NAA25: variants seen among roughly 807,000 people sequenced by gnomAD.
NAA25 encodes N-terminal acetyltransferase B complex subunit NAA25.
NAA25 carries 30 observed loss-of-function variants against 132.5 expected under a neutral mutation model. The ratio of observed to expected loss-of-function variants is 0.23; its 90% CI spans 0.17 to 0.31. NAA25 has a LOEUF of 0.31. NAA25 is among the 10% of genes least tolerant of loss of function. NAA25 has a pLI of 1.00. For missense variants in NAA25, 771 were observed against 1,150.4 expected (o/e 0.67, Z 4.77); for synonymous variants, 359 against 401.9 (o/e 0.89, Z 1.28).
chr12:112,089,529 C>A (rs1222426659), intron 3 of NAA25, among the ~76,000 whole-genome samples: 1 of 152,122 alleles, frequency 6.6e-6, no homozygotes, highest in East Asian at 1.9e-4. Context: ...ATGAAAAATG[C>A]AAGTCATAGA....
At position 112,087,719 on chromosome 12, in the gene NAA25, G is replaced by A; in HGVS notation, c.366C>T (p.Ala122=). ...SEEYHSHLFM[A]YARVGEYKKM... ...TCTTGTATTCACCCACTCTGGCATA[G>A]GCCATGAAGAGGTGAGAGTGATACT... is the stretch of plus-strand genomic sequence containing the variant. The change falls in exon 4 of 24, where the codon GCC becomes GCT. Residue 122 remains alanine (A), a synonymous_variant. Transcript: ENST00000261745. The A allele has an allele frequency of 6.2e-7, 1 of 1,614,052 alleles. No homozygotes were observed. The highest frequency in any genetic ancestry group is 8.5e-7 in the Non-Finnish European group (1 of 1,179,918).
intron 3 of NAA25, among the ~76,000 whole-genome samples, chr12:112,089,940 T>C (rs1446678596): frequency 6.7e-6 from 1 of 149,322 alleles, no homozygotes. Context: ...GTTTCGATTC[T>C]CCTGCCTCAG....
chr12:112,075,853 G>C, intron 7 of NAA25, 64 bp from the exon 8 acceptor site: 1 of 1,255,692 alleles, frequency 8.0e-7, no homozygotes, highest in Non-Finnish European at 1.1e-6. Context: ...CCAGAATAGA[G>C]TCCAACCACA....
intron 22 of NAA25, chr12:112,034,673 G>C (rs910768775): frequency 6.6e-6 from 1 of 152,196 alleles, no homozygotes; most frequent in African/African-American, 2.4e-5. Context: ...TTAGCTGGGC[G>C]TGGTGGCACA....
chr12:112,088,310 T>C (rs2079083014), intron 3 of NAA25, among the ~76,000 whole-genome samples: 1 of 150,198 alleles, frequency 6.7e-6, no homozygotes, highest in Non-Finnish European at 1.5e-5. Context: ...TAAGTAAGTA[T>C]ATTGTAGTTT....
chr12:112,035,190 T>C (rs2078207537), intron 22 of NAA25: 1 of 152,212 alleles, frequency 6.6e-6, no homozygotes, highest in Non-Finnish European at 1.5e-5. Context: ...AAAACCATTC[T>C]CATTTTTAGA....
chr12:112,070,769 CAG>C (rs1196388253), intron 10 of NAA25, among the ~76,000 whole-genome samples: 3 of 151,926 alleles, frequency 2.0e-5, no homozygotes, highest in Admixed American at 1.3e-4. Context: ...GTTTTTGAGA[CAG>C]AGTCTCACTC....
At chr12:112,072,179 T>C in intron 9 of NAA25, 115 bp from the exon 10 acceptor site, 5 of 739,310 alleles carry the variant, frequency 6.8e-6, no homozygotes, top group Middle Eastern at 3.9e-4. Flanking sequence ...TATAAAATAA[T>C]AGAAAAAGGA....
chr12:112,045,756 C>T (rs954064974), intron 17 of NAA25, among the ~76,000 whole-genome samples: 5 of 152,090 alleles, frequency 3.3e-5, no homozygotes, highest in Admixed American at 1.3e-4. Context: ...GATCATGCGA[C>T]TGCACTCTAG....
intron 4 of NAA25, among the ~76,000 whole-genome samples, chr12:112,084,777 G>A (rs902990168): frequency 1.3e-4 from 20 of 149,722 alleles, no homozygotes; most frequent in African/African-American, 4.4e-4. Context: ...TGGAGACAGA[G>A]CGAGACTCCA....
intron 1 of NAA25, among the ~76,000 whole-genome samples, chr12:112,102,632 A>G (rs2079309824): frequency 6.6e-6 from 1 of 151,958 alleles, no homozygotes; most frequent in Non-Finnish European, 1.5e-5. Context: ...CAGTGGCACA[A>G]TCTCAGCTCA....
intron 13 of NAA25, among the ~76,000 whole-genome samples, chr12:112,058,081 A>C (rs1192271338): frequency 2.0e-5 from 3 of 151,828 alleles, no homozygotes; most frequent in Admixed American, 6.6e-5. Flanking sequence ...TGGAAGGAGG[A>C]TGTTGCAGTG....
rs755378407 is a variant in NAA25, at chr12:112,054,514, T to C, written c.1502A>G (p.His501Arg). 1.9e-6 allele frequency: 3 copies of C among 1,614,172 alleles called. No individual in the cohort carries two copies. The highest frequency in any genetic ancestry group is 2.5e-6 in the Non-Finnish European group (3 of 1,180,030). ...ALTLLEEGLT[H>R]SPSNAQFKLL... ...TTTGAACTGAGCATTGGAAGGGCTATGGGTTAATCCCTCTTCCAGCAAAGT... is the reference window on the plus strand; with the variant it reads ...TTTGAACTGAGCATTGGAAGGGCTACGGGTTAATCCCTCTTCCAGCAAAGT... Residue 501 changes from histidine (H) to arginine (R), a missense_variant, in exon 14 of 24, where the codon CAT becomes CGT. His to Arg is a conservative substitution (Grantham distance 29). Around this residue, in one of 3 missense-constraint regions of NAA25, gnomAD observed 417 missense variants for 733.8 expected, o/e 0.57. Transcript: ENST00000261745.
chr12:112,104,645 G>A (rs2079336591), intron 1 of NAA25, among the ~76,000 whole-genome samples: 1 of 151,506 alleles, frequency 6.6e-6, no homozygotes, highest in Non-Finnish European at 1.5e-5. Context: ...GACCAACCTG[G>A]CCAATGTGGT....
intron 14 of NAA25, 58 bp from the exon 15 acceptor site, chr12:112,053,715 A>C: frequency 1.0e-4 from 126 of 1,256,412 alleles, no homozygotes; most frequent in Non-Finnish European, 1.3e-4. Context: ...TACCTAGCTC[A>C]AGTAACAAAT....
At chr12:112,041,116 G>C (rs931197415) in intron 20 of NAA25, among the ~76,000 whole-genome samples, 5 of 151,480 alleles carry the variant, frequency 3.3e-5, no homozygotes, top group Admixed American at 2.6e-4. Context: ...AGGAGTTAGA[G>C]TCCATCCTGA....
intron 11 of NAA25, among the ~76,000 whole-genome samples, chr12:112,067,358 G>A (rs1406697799): frequency 1.3e-5 from 2 of 152,162 alleles, no homozygotes; most frequent in African/African-American, 4.8e-5. Flanking sequence ...CAAAGAACTT[G>A]TATCTAAGAT....
chr12:112,060,865 A>G (rs112257936), intron 12 of NAA25, among the ~76,000 whole-genome samples: 8 of 152,348 alleles, frequency 5.3e-5, no homozygotes, highest in South Asian at 2.1e-4. Context: ...CTTACAGTCT[A>G]TATATTAAGA....
chr12:112,077,795 G>T (rs1396349195), intron 7 of NAA25, among the ~76,000 whole-genome samples: 1 of 151,584 alleles, frequency 6.6e-6, no homozygotes, highest in African/African-American at 2.4e-5. Context: ...AATTTTTAAA[G>T]AAAAATTTTT....
Sources: gnomAD v4.1 joint callset for allele counts (sites outside exome capture counted in the v4.1 genomes callset) on GRCh38, gnomAD v4.1.1 for gene constraint, gnomAD v4.1.1 regional missense constraint, MANE v1.5 for transcripts, NCBI Gene and HGNC (gene_info 2026-07-23, HGNC 2026-07-21) for gene names.